NBEA: variants seen among roughly 807,000 people sequenced by gnomAD.
NBEA encodes lysosomal-trafficking regulator 2.
A neutral mutation model predicts 343.4 loss-of-function variants in NBEA; 44 were observed. That is an observed-to-expected ratio of 0.13 (90% CI 0.10 to 0.16). The LOEUF is 0.16. NBEA is among the 10% of genes least tolerant of loss of function. The pLI is 1.00. For missense variants in NBEA, 2,555 were observed against 3,631.3 expected (o/e 0.70, Z 7.62); for synonymous variants, 1,175 against 1,238.7 (o/e 0.95, Z 1.08).
At chr13:35,337,772 A>G (rs561211637) in intron 36 of NBEA, among the ~76,000 whole-genome samples, 1 of 152,246 alleles carries the variant, frequency 6.6e-6, no homozygotes, top group South Asian at 2.1e-4. Flanking sequence ...CATGCATTTT[A>G]TCTTCTCCAA....
chr13:35,053,552 C>T (rs1332271459), intron 6 of NBEA, among the ~76,000 whole-genome samples: 1 of 152,076 alleles, frequency 6.6e-6, no homozygotes, highest in East Asian at 1.9e-4. Flanking sequence ...TCTCTATTCT[C>T]ATAACTGTTT....
chr13:35,494,295 G>A (rs969093231), intron 41 of NBEA, among the ~76,000 whole-genome samples: 22 of 152,020 alleles, frequency 1.4e-4, no homozygotes, highest in Admixed American at 1.3e-3. Context: ...ATTTTGCTTG[G>A]CACCTTCTGA....
intron 45 of NBEA, among the ~76,000 whole-genome samples, chr13:35,568,962 T>G (rs2080266144): frequency 6.6e-6 from 1 of 152,190 alleles, no homozygotes; most frequent in Non-Finnish European, 1.5e-5. Flanking sequence ...TTGTCTTAAT[T>G]TCCTCACCTA....
intron 8 of NBEA, among the ~76,000 whole-genome samples, chr13:35,061,254 T>C (rs1267773691): frequency 1.3e-5 from 2 of 151,728 alleles, no homozygotes; most frequent in Non-Finnish European, 3.0e-5. Context: ...TTGGTTATTT[T>C]CTGGAAACAG....
intron 34 of NBEA, among the ~76,000 whole-genome samples, chr13:35,256,443 T>G (rs1314991414): frequency 1.3e-5 from 2 of 152,186 alleles, no homozygotes; most frequent in African/African-American, 2.4e-5. Flanking sequence ...CACTCTGGAC[T>G]GCAGACTATA....
In NBEA at chr13:35,015,128, A is replaced by G. The variant is rs796353351; in HGVS notation, c.295-25805A>G. 7.6e-3 allele frequency among the ~76,000 whole-genome samples: 371 copies of G among 48,888 alleles called. 7 individuals carry two copies. The highest frequency in any genetic ancestry group is 0.025 in the African/African-American group (350 of 13,946). The allele number at this position is 48,888 out of a possible 152,430, so 32.1% of individuals were successfully genotyped here. ...TCTCAACAAAAAGCAACGAGATCTGAAAAAAAAAAAACAAACAAAAAAAAA... is the reference window on the plus strand; with the variant it reads ...TCTCAACAAAAAGCAACGAGATCTGGAAAAAAAAAAACAAACAAAAAAAAA... On this transcript the variant is annotated intron_variant, in intron 1 of 58. Coordinates refer to ENST00000379939, the MANE Select transcript of NBEA (RefSeq NM_001385012.1).
intron 47 of NBEA, among the ~76,000 whole-genome samples, chr13:35,597,264 C>T (rs894956970): frequency 6.6e-6 from 1 of 152,100 alleles, no homozygotes; most frequent in African/African-American, 2.4e-5. Flanking sequence ...CTAAAATAAA[C>T]TAGAAATCAC....
intron 27 of NBEA, among the ~76,000 whole-genome samples, chr13:35,173,990 A>G (rs57892154): frequency 0.029 from 4,458 of 152,222 alleles, 89 homozygotes; most frequent in South Asian, 0.075. Flanking sequence ...TTTGAAATAT[A>G]CTATTAGTTT....
intron 58 of NBEA, among the ~76,000 whole-genome samples, chr13:35,669,801 C>G (rs1292818584): frequency 6.6e-6 from 1 of 152,106 alleles, no homozygotes; most frequent in South Asian, 2.1e-4. Flanking sequence ...GAGCTCAGAT[C>G]CTCATAATCA....
intron 47 of NBEA, among the ~76,000 whole-genome samples, chr13:35,594,707 C>T (rs1044829608): frequency 3.3e-5 from 5 of 151,882 alleles, no homozygotes; most frequent in African/African-American, 1.2e-4. Flanking sequence ...TATATAATAA[C>T]ACTTTGAGAA....
chr13:34,975,318 C>T (rs1311222080), intron 1 of NBEA, among the ~76,000 whole-genome samples: 3 of 152,092 alleles, frequency 2.0e-5, no homozygotes, highest in Non-Finnish European at 4.4e-5. Context: ...CCACATACAG[C>T]CAGCTGATCT....
chr13:35,474,328 C>T lies in NBEA; in HGVS notation c.6585+1792C>T, dbSNP rs2152960124. Reference sequence around the variant, plus strand: ...TTTTCAAATATATAATTCAGATATTCAAGCGTTATTATATAAGCTGAATTC... The same window carrying T: ...TTTTCAAATATATAATTCAGATATTTAAGCGTTATTATATAAGCTGAATTC... On this transcript the variant is annotated intron_variant, in intron 41 of 58. Coordinates refer to ENST00000379939, the MANE Select transcript of NBEA (RefSeq NM_001385012.1). The T allele has an allele frequency of 1.3e-5, 2 of 152,700 alleles. 1 individual carries two copies. Among genetic ancestry groups the T allele is most frequent in the South Asian group, 4.1e-4 (2 of 4,820 alleles). 9.5% of individuals were successfully genotyped at this position (152,700 alleles called of 1,614,324 possible).
chr13:35,639,956 C>CAAAAAAA (rs1256138156), intron 49 of NBEA, among the ~76,000 whole-genome samples: 1 of 63,312 alleles, frequency 1.6e-5, no homozygotes. Flanking sequence ...TTACATTTAC[C>CAAAAAAA]AAAAAAAAAA....
chr13:35,383,527 C>A (rs541884105), intron 38 of NBEA, among the ~76,000 whole-genome samples: 1 of 152,122 alleles, frequency 6.6e-6, no homozygotes, highest in South Asian at 2.1e-4. Context: ...CAACTCAAGG[C>A]AGAGATAATC....
At chr13:35,190,422 A>G (rs1427170153) in intron 30 of NBEA, among the ~76,000 whole-genome samples, 5 of 152,038 alleles carry the variant, frequency 3.3e-5, no homozygotes, top group African/African-American at 1.2e-4. Context: ...AGCGCAGGCT[A>G]AGAGAGAGTT....
intron 43 of NBEA, among the ~76,000 whole-genome samples, chr13:35,552,988 C>G (rs1436426317): frequency 6.6e-6 from 1 of 151,834 alleles, no homozygotes; most frequent in East Asian, 1.9e-4. Flanking sequence ...TGTCCCCAGG[C>G]TCAGGAGATC....
At chr13:35,031,372 G>A (rs999683932) in intron 1 of NBEA, among the ~76,000 whole-genome samples, 3 of 151,652 alleles carry the variant, frequency 2.0e-5, no homozygotes, top group African/African-American at 7.2e-5. Flanking sequence ...GTTGGTTTCA[G>A]TAAATGTCCA....
intron 58 of NBEA, among the ~76,000 whole-genome samples, chr13:35,669,076 C>T (rs1861539363): frequency 6.6e-6 from 1 of 152,150 alleles, no homozygotes; most frequent in African/African-American, 2.4e-5. Flanking sequence ...CCTTAAAACA[C>T]GTTAATCCTT....
chr13:35,035,431 T>C (rs562106920), intron 1 of NBEA, among the ~76,000 whole-genome samples: 26 of 152,164 alleles, frequency 1.7e-4, no homozygotes, highest in Admixed American at 5.9e-4. Flanking sequence ...TGACCTAACA[T>C]ATGGTCTGTC....
Sources: gnomAD v4.1 joint callset for allele counts (sites outside exome capture counted in the v4.1 genomes callset) on GRCh38, gnomAD v4.1.1 for gene constraint, MANE v1.5 for transcripts, NCBI Gene and HGNC (gene_info 2026-07-23, HGNC 2026-07-21) for gene names.